Variants in KIF14 observed in about 807,000 individuals in gnomAD.
KIF14 encodes the protein kinesin-like protein KIF14.
In KIF14, 98 loss-of-function variants were observed where a neutral mutation model predicts 176.2. The ratio of observed to expected loss-of-function variants is 0.56; its 90% confidence interval spans 0.47 to 0.66. The LOEUF (loss-of-function observed/expected upper bound fraction) is 0.66, where lower values mean the gene tolerates loss of function less well. Among genes scored for constraint, KIF14 ranks in the 30% least tolerant of loss-of-function variants. The probability of loss-of-function intolerance (pLI) is 0.00; values close to 1 mark genes in which losing one functional copy is unlikely to be tolerated. For missense variants in KIF14, 1,751 were observed against 1,920.4 expected (o/e 0.91, Z 1.65); for synonymous variants, 566 against 632.2 (o/e 0.90, Z 1.57).
At chr1:200,565,341 T>C in intron 24 of KIF14, 88 bp from the exon 25 acceptor site, 1 of 1,424,014 alleles carries the variant, frequency 7.0e-7, no homozygotes, top group Non-Finnish European at 9.6e-7. Context: ...TTTAACACAG[T>C]TAAAAGATGC....
intron 19 of KIF14, 56 bp from the exon 20 acceptor site, chr1:200,581,350 C>T: frequency 2.2e-6 from 2 of 895,948 alleles, no homozygotes; most frequent in African/African-American, 1.8e-5. Context: ...CTAACATATA[C>T]CATTAGGCAA....
intron 18 of KIF14, among the ~76,000 whole-genome samples, chr1:200,586,786 C>CATATATATATATATATATAT (rs1241334191): frequency 1.2e-5 from 1 of 85,262 alleles, no homozygotes; most frequent in Non-Finnish European, 2.6e-5. Flanking sequence ...TATATATATA[C>CATATATATATATATATATAT]ATACATATAT....
intron 27 of KIF14, among the ~76,000 whole-genome samples, chr1:200,556,545 G>A (rs1330166837): frequency 6.6e-6 from 1 of 152,168 alleles, no homozygotes; most frequent in Non-Finnish European, 1.5e-5. Flanking sequence ...AGAAAGGAGG[G>A]TATGCAGATA....
rs1369567757 is a variant in KIF14 at position 200,618,653 on chromosome 1, C to G, written c.71G>C (p.Ser24Thr). Residue 24 changes from serine to threonine, a missense_variant, in exon 2 of 30, where the codon AGT becomes ACT. Physicochemically the swap from Ser to Thr is moderately conservative, Grantham distance 58. Transcript: ENST00000367350. Reference protein sequence around the residue: ...DILDIPSSQNSSSLNALTHSS... With the variant: ...DILDIPSSQNTSSLNALTHSS... ...GTGGGTGAGGGCATTCAGTGATGAA[C>G]TATTTTGGGAAGAAGGAATATCAAG... The G allele has an allele frequency of 2.5e-6, 4 of 1,613,586 alleles. No homozygotes were observed. Among genetic ancestry groups the G allele is most frequent in the Non-Finnish European group, 8.5e-7 (1 of 1,179,862 alleles).
chr1:200,557,595 T>C (rs1413748848), intron 27 of KIF14, among the ~76,000 whole-genome samples: 1 of 152,156 alleles, frequency 6.6e-6, no homozygotes, highest in Non-Finnish European at 1.5e-5. Context: ...TGTTCTGAGA[T>C]GGAGTTTTTC....
At chr1:200,605,645 C>T (rs1477173614) in intron 7 of KIF14, among the ~76,000 whole-genome samples, 2 of 152,076 alleles carry the variant, frequency 1.3e-5, no homozygotes, top group Non-Finnish European at 2.9e-5. Context: ...GAAATAATAA[C>T]TTTAAAAGGC....
intron 8 of KIF14, among the ~76,000 whole-genome samples, chr1:200,604,935 T>A (rs988660913): frequency 4.6e-5 from 7 of 152,120 alleles, no homozygotes; most frequent in Non-Finnish European, 1.0e-4. Flanking sequence ...AATGTTATCA[T>A]GATAACAAGC....
chr1:200,598,642 T>C (rs1659483214), intron 13 of KIF14, among the ~76,000 whole-genome samples: 1 of 152,204 alleles, frequency 6.6e-6, no homozygotes, highest in Non-Finnish European at 1.5e-5. Context: ...CACTGCAACC[T>C]CTGCCTCCTG....
chr1:200,604,950 A>T (rs1258929520), intron 8 of KIF14, among the ~76,000 whole-genome samples: 1 of 152,118 alleles, frequency 6.6e-6, no homozygotes, highest in Non-Finnish European at 1.5e-5. Flanking sequence ...ACAAGCATCT[A>T]TTATTGATTT....
At position 200,615,405 on chromosome 1, in the gene KIF14, G is replaced by T; in HGVS notation, c.1317C>A (p.Phe439Leu). The T allele has an allele frequency of 6.2e-7, 1 of 1,614,044 alleles. No individual in the cohort carries two copies. ...GACCATAAGCAAAAAGACAGGTATTGAAGCCTTCGAAGGCTCTTTCTAGGA... is the reference window on the plus strand; with the variant it reads ...GACCATAAGCAAAAAGACAGGTATTTAAGCCTTCGAAGGCTCTTTCTAGGA... ...APLLERAFEG[F>L]NTCLFAYGQT... Residue 439 changes from phenylalanine to leucine, a missense_variant, in exon 3 of 30, where the codon TTC becomes TTA. Phe to Leu is a conservative substitution (Grantham distance 22, BLOSUM62 0). Transcript: ENST00000367350.
Position 200,618,086 on chromosome 1 carries a change from T to G in KIF14, c.638A>C (p.Lys213Thr), listed in dbSNP as rs1440316232. 2 of 1,614,214 alleles carry G rather than the reference T, an allele frequency of 1.2e-6. No homozygotes were observed. Among genetic ancestry groups the G allele is most frequent in the Non-Finnish European group, 1.7e-6 (2 of 1,180,036 alleles). ...AATGGGTGGTCTATTACTTGAGTAC[T>G]TAAGTGCAACATTTTCATTTGCTCT... ...PSRANENVAL[K>T]YSSNRPPIAS... The change falls in exon 2 of 30, where the codon AAG (lysine) becomes ACG (threonine). Residue 213 changes from lysine to threonine, a missense_variant. Physicochemically the swap from Lys to Thr is moderately conservative, Grantham distance 78 (BLOSUM62 -1). Coordinates refer to ENST00000367350, the MANE Select transcript of KIF14 (RefSeq NM_014875.3).
chr1:200,593,932 T>TC (rs1317784413), intron 14 of KIF14, among the ~76,000 whole-genome samples, 163 bp from the exon 15 acceptor site: 1 of 139,590 alleles, frequency 7.2e-6, no homozygotes, highest in Non-Finnish European at 1.5e-5. Flanking sequence ...AACTAGTTTT[T>TC]TTTTTTTTTT....
At chr1:200,606,221 T>A (rs550599386) in intron 6 of KIF14, among the ~76,000 whole-genome samples, 11 of 152,308 alleles carry the variant, frequency 7.2e-5, no homozygotes, top group African/African-American at 2.6e-4. Flanking sequence ...TATATGTGGG[T>A]GTATATGGGT....
At chr1:200,563,138 T>A (rs1469810811) in intron 25 of KIF14, among the ~76,000 whole-genome samples, 2 of 152,202 alleles carry the variant, frequency 1.3e-5, no homozygotes, top group African/African-American at 2.4e-5. Flanking sequence ...AGTTTACTAG[T>A]TAGATCAGTT....
intron 27 of KIF14, among the ~76,000 whole-genome samples, chr1:200,556,956 T>C (rs1395876175): frequency 6.6e-6 from 1 of 152,210 alleles, no homozygotes; most frequent in East Asian, 1.9e-4. Flanking sequence ...AGTGACAATA[T>C]GAGCTCCTAA....
At chr1:200,560,992 A>G in intron 25 of KIF14, 112 bp from the exon 26 acceptor site, 1 of 937,652 alleles carries the variant, frequency 1.1e-6, no homozygotes, top group South Asian at 1.5e-5. Flanking sequence ...GCAGTTTGGG[A>G]GGCCGAGGCG....
At chr1:200,554,280 A>G (rs907749325) in intron 29 of KIF14, among the ~76,000 whole-genome samples, 188 bp downstream of exon 29, 8 of 152,060 alleles carry the variant, frequency 5.3e-5, no homozygotes, top group African/African-American at 1.9e-4. Flanking sequence ...AATCCCAGCT[A>G]CTTGGGAGGC....
At chr1:200,574,320 C>T (rs1054981815) in intron 22 of KIF14, among the ~76,000 whole-genome samples, 14 of 152,188 alleles carry the variant, frequency 9.2e-5, no homozygotes, top group Admixed American at 9.2e-4. Context: ...CTCTTAAATG[C>T]TCCATCTCAG....
Position 200,618,587 on chromosome 1 carries a change from T to A in KIF14, c.137A>T (p.Glu46Val), listed in dbSNP as rs199698769. ...LKLHLKSDMS[E>V]CENDDPLLRS... ...CAATAATGGATCATCATTTTCACAT[T>A]CTGACATATCCGACTTCAAATGCAG... Residue 46 changes from glutamate (E) to valine (V), a missense_variant, in exon 2 of 30, where the codon GAA (glutamate) becomes GTA (valine). By Grantham distance (121) the Glu-to-Val change is moderately radical. Coordinates refer to ENST00000367350, the MANE Select transcript of KIF14 (RefSeq NM_014875.3). 6.2e-7 allele frequency: 1 copy of A among 1,614,164 alleles called. No individual in the cohort carries two copies. Among genetic ancestry groups the A allele is most frequent in the East Asian group, 2.2e-5 (1 of 44,882 alleles).
Sources: gnomAD v4.1 joint callset for allele counts (sites outside exome capture counted in the v4.1 genomes callset) on GRCh38, gnomAD v4.1.1 for gene constraint, MANE v1.5 for transcripts, NCBI Gene and HGNC (gene_info 2026-07-23, HGNC 2026-07-21) for gene names.